PAG1: variants seen among roughly 807,000 people sequenced by gnomAD.
PAG1 encodes the protein phosphoprotein associated with glycosphingolipid-enriched microdomains 1.
PAG1 carries 23 observed loss-of-function variants against 31.7 expected under a neutral mutation model. The observed-to-expected ratio is 0.73, with a 90% CI of 0.52 to 1.03. The LOEUF (loss-of-function observed/expected upper bound fraction) is 1.03, where lower values mean the gene tolerates loss of function less well. Ranked by LOEUF, PAG1 falls within the 50% of genes least tolerant of loss-of-function variation. The pLI is 0.00. For missense variants in PAG1, 473 were observed against 540.7 expected, an observed-to-expected ratio of 0.87 and a Z score of 1.24; for synonymous variants, 214 against 210.3, an observed-to-expected ratio of 1.02 and a Z score of -0.15.
chr8:81,108,982 G>T (rs1302800337), intron 1 of PAG1, among the ~76,000 whole-genome samples: 5 of 152,190 alleles, frequency 3.3e-5, no homozygotes, highest in Admixed American at 2.6e-4. Flanking sequence ...TGCCGTGGTG[G>T]TTTCCTTGAC....
At chr8:81,063,619 G>T (rs1586197220) in intron 2 of PAG1, among the ~76,000 whole-genome samples, 1 of 152,168 alleles carries the variant, frequency 6.6e-6, no homozygotes, top group East Asian at 1.9e-4. Context: ...ATTTGGATGT[G>T]ACAGGTGTCT....
At chr8:81,054,632 G>A (rs1055354729) in intron 2 of PAG1, among the ~76,000 whole-genome samples, 3 of 151,820 alleles carry the variant, frequency 2.0e-5, no homozygotes, top group South Asian at 2.1e-4. Context: ...GCCAAGGTGC[G>A]CCACTGCACT....
intron 1 of PAG1, among the ~76,000 whole-genome samples, chr8:81,079,850 C>A (rs989813923): frequency 2.6e-5 from 4 of 151,944 alleles, no homozygotes; most frequent in African/African-American, 4.8e-5. Flanking sequence ...CTCACTATAG[C>A]CTCAACCTCC....
chr8:80,978,630 T>C (rs1350246723), intron 8 of PAG1, among the ~76,000 whole-genome samples: 1 of 152,208 alleles, frequency 6.6e-6, no homozygotes, highest in African/African-American at 2.4e-5. Context: ...TCACTCTTTG[T>C]AAGAGTACTT....
At chr8:81,018,389 CA>C (rs1563631222) in intron 3 of PAG1, among the ~76,000 whole-genome samples, 2 of 152,194 alleles carry the variant, frequency 1.3e-5, no homozygotes, top group African/African-American at 4.8e-5. Flanking sequence ...TCAGATTCAA[CA>C]TGGGTATTTC....
intron 6 of PAG1, among the ~76,000 whole-genome samples, chr8:80,987,117 T>G (rs1485497195): frequency 6.6e-6 from 1 of 152,176 alleles, no homozygotes; most frequent in Non-Finnish European, 1.5e-5. Context: ...AATTAGTACA[T>G]GTAAATGTAC....
At chr8:81,024,240 G>T (rs751277934) in intron 3 of PAG1, among the ~76,000 whole-genome samples, 1 of 152,136 alleles carries the variant, frequency 6.6e-6, no homozygotes, top group Non-Finnish European at 1.5e-5. Context: ...GCTTTGCATC[G>T]CTGTGATTTT....
chr8:81,096,280 C>T (rs978952128), intron 1 of PAG1, among the ~76,000 whole-genome samples: 8 of 152,032 alleles, frequency 5.3e-5, no homozygotes, highest in South Asian at 4.2e-4. Context: ...ATGGTCCTTG[C>T]GTATGGCCCT....
intron 3 of PAG1, among the ~76,000 whole-genome samples, chr8:81,009,019 T>C (rs1185622900): frequency 3.3e-5 from 5 of 152,324 alleles, no homozygotes; most frequent in Admixed American, 1.3e-4. Flanking sequence ...TTTTCTGTCC[T>C]GGTGAAGTAG....
At chr8:81,028,273 A>G (rs1253657803) in intron 3 of PAG1, among the ~76,000 whole-genome samples, 1 of 152,256 alleles carries the variant, frequency 6.6e-6, no homozygotes, top group Non-Finnish European at 1.5e-5. Context: ...TGTTGCCTTT[A>G]AAGTTCTGAA....
intron 2 of PAG1, among the ~76,000 whole-genome samples, chr8:81,068,148 C>T (rs766666485): frequency 9.2e-5 from 14 of 152,172 alleles, no homozygotes; most frequent in African/African-American, 3.4e-4. Flanking sequence ...CTGCTCGCCT[C>T]GGCCTCCTAG....
At chr8:81,005,692 A>AT (rs2130625371) in intron 3 of PAG1, among the ~76,000 whole-genome samples, 1 of 152,274 alleles carries the variant, frequency 6.6e-6, no homozygotes, top group East Asian at 1.9e-4. Flanking sequence ...GCCCTATGGA[A>AT]TACCCAGCCT....
chr8:81,091,658 T>C (rs1278302650), intron 1 of PAG1, among the ~76,000 whole-genome samples: 1 of 152,146 alleles, frequency 6.6e-6, no homozygotes, highest in African/African-American at 2.4e-5. Flanking sequence ...GATCCATCAC[T>C]GACAAAAATG....
chr8:81,095,219 TGGACAGA>T (rs1294101674), intron 1 of PAG1, among the ~76,000 whole-genome samples: 2 of 152,216 alleles, frequency 1.3e-5, no homozygotes, highest in Non-Finnish European at 2.9e-5. Flanking sequence ...AATCTGGGTT[TGGACAGA>T]GGACAGAGGA....
intron 2 of PAG1, among the ~76,000 whole-genome samples, chr8:81,059,010 G>A (rs927571025): frequency 6.6e-6 from 1 of 152,054 alleles, no homozygotes; most frequent in Non-Finnish European, 1.5e-5. Flanking sequence ...AAATACAGTT[G>A]TTCCTTGGTA....
chr8:80,985,221 G>A lies in PAG1; in HGVS notation c.431C>T (p.Thr144Ile). ...PRIPPESAVD[T>I]MLTARSVDGD... ...GTCCACACTTCTCGCCGTGAGCATG[G>A]TATCCACTGCGCTCTCGGGAGGGAT... The change falls in exon 7 of 9, where the codon ACC becomes ATC. Residue 144 changes from threonine to isoleucine, a missense_variant. Physicochemically the swap from Thr to Ile is moderately conservative, Grantham distance 89. Transcript: ENST00000220597. The A allele has an allele frequency of 6.2e-7, 1 of 1,614,058 alleles. No homozygotes were observed. The highest frequency in any genetic ancestry group is 8.5e-7 in the Non-Finnish European group (1 of 1,180,024).
chr8:81,068,719 C>T (rs1047743056), intron 2 of PAG1, among the ~76,000 whole-genome samples: 1 of 152,166 alleles, frequency 6.6e-6, no homozygotes, highest in Non-Finnish European at 1.5e-5. Context: ...CAAACATTGA[C>T]CTCAAGCTTA....
intron 2 of PAG1, among the ~76,000 whole-genome samples, chr8:81,068,871 C>T (rs1011625057): frequency 6.6e-6 from 1 of 152,144 alleles, no homozygotes; most frequent in Non-Finnish European, 1.5e-5. Flanking sequence ...TATATAGATT[C>T]TTGAGTTAAA....
chr8:81,033,599 G>A (rs1031412666), intron 2 of PAG1, among the ~76,000 whole-genome samples: 3 of 152,144 alleles, frequency 2.0e-5, no homozygotes, highest in South Asian at 4.1e-4. Flanking sequence ...GGAATGCCAC[G>A]CCCAGCAGTT....
Sources: gnomAD v4.1 joint callset for allele counts (sites outside exome capture counted in the v4.1 genomes callset) on GRCh38, gnomAD v4.1.1 for gene constraint, MANE v1.5 for transcripts, NCBI Gene and HGNC (gene_info 2026-07-23, HGNC 2026-07-21) for gene names.